JCAD: variants seen among roughly 807,000 people sequenced by gnomAD.
The protein encoded by JCAD is junctional cadherin 5 associated, also known as junctional cadherin 5-associated protein.
JCAD carries 40 observed loss-of-function variants against 98.0 expected under a neutral mutation model. The ratio of observed to expected loss-of-function variants is 0.41; its 90% CI spans 0.32 to 0.53. The LOEUF is 0.53. Among genes scored for constraint, JCAD ranks in the 20% least tolerant of loss-of-function variants. The probability of loss-of-function intolerance (pLI) is 0.31; values close to 1 mark genes in which losing one functional copy is unlikely to be tolerated. For missense variants in JCAD, 1,705 were observed against 1,738.1 expected, an observed-to-expected ratio of 0.98 and a Z score of 0.34; for synonymous variants, 691 against 682.3, an observed-to-expected ratio of 1.01 and a Z score of -0.20.
intron 3 of JCAD, among the ~76,000 whole-genome samples, chr10:30,024,861 A>G (rs1248066753): frequency 6.6e-6 from 1 of 151,690 alleles, no homozygotes; most frequent in African/African-American, 2.4e-5. Flanking sequence ...ACGCCCAGCT[A>G]ATTTTTTGTA....
chr10:30,039,484 AATGAG>A (rs1475997947), intron 2 of JCAD, among the ~76,000 whole-genome samples: 2 of 151,956 alleles, frequency 1.3e-5, no homozygotes, highest in African/African-American at 4.8e-5. Context: ...GGAGGGATGA[AATGAG>A]ATAATACCTT....
intron 2 of JCAD, among the ~76,000 whole-genome samples, chr10:30,067,693 T>C (rs919107176): frequency 9.9e-5 from 15 of 152,218 alleles, no homozygotes; most frequent in African/African-American, 3.4e-4. Flanking sequence ...ACTTATGTCC[T>C]TCGATGTACA....
At chr10:30,093,740 C>T (rs928271823) in intron 1 of JCAD, among the ~76,000 whole-genome samples, 1 of 151,866 alleles carries the variant, frequency 6.6e-6, no homozygotes, top group Non-Finnish European at 1.5e-5. Flanking sequence ...AGAGATTCAG[C>T]AAGTATTTGC....
intron 2 of JCAD, among the ~76,000 whole-genome samples, chr10:30,031,311 T>A (rs1836985079): frequency 6.6e-6 from 1 of 151,932 alleles, no homozygotes; most frequent in Non-Finnish European, 1.5e-5. Flanking sequence ...AAGATGTTTT[T>A]GTAGAGATGG....
At chr10:30,054,451 T>C (rs1461713777) in intron 1 of JCAD, among the ~76,000 whole-genome samples, 1 of 151,880 alleles carries the variant, frequency 6.6e-6, no homozygotes, top group Non-Finnish European at 1.5e-5. Flanking sequence ...TACTTAACTT[T>C]ATATACTTAA....
chr10:30,041,111 GGGAAACT>G (rs1160760483), intron 2 of JCAD, among the ~76,000 whole-genome samples: 1 of 152,126 alleles, frequency 6.6e-6, no homozygotes, highest in Non-Finnish European at 1.5e-5. Flanking sequence ...CTTTTTAGTG[GGGAAACT>G]GGTGCTGGTA....
intron 1 of JCAD, among the ~76,000 whole-genome samples, chr10:30,077,287 T>C (rs1837998636): frequency 6.6e-6 from 1 of 152,190 alleles, no homozygotes; most frequent in Non-Finnish European, 1.5e-5. Context: ...TTTTGTTGTT[T>C]GTTTTTTGAG....
At chr10:30,067,553 C>T (rs1837806218) in intron 2 of JCAD, among the ~76,000 whole-genome samples, 2 of 152,194 alleles carry the variant, frequency 1.3e-5, no homozygotes, top group South Asian at 4.1e-4. Context: ...GTCTCGAACT[C>T]CTGACCTCAG....
intron 1 of JCAD, among the ~76,000 whole-genome samples, chr10:30,100,978 A>G (rs531120996): frequency 2.6e-5 from 4 of 152,246 alleles, no homozygotes; most frequent in Non-Finnish European, 4.4e-5. Flanking sequence ...CAATTGGTTG[A>G]AAGAGTTATT....
At chr10:30,097,361 G>A (rs908471008) in intron 1 of JCAD, among the ~76,000 whole-genome samples, 1 of 152,156 alleles carries the variant, frequency 6.6e-6, no homozygotes, top group Non-Finnish European at 1.5e-5. Flanking sequence ...AGGCCCCCAA[G>A]GCACCATAAA....
rs1836568868 is a variant in JCAD, at chr10:30,017,872, C to T, written c.*11G>A. ...AATTCGCAACGGAATGCAAGCTCCA[C>T]CGGCATTTCATCACACCCTCTCCAC... On this transcript the variant is annotated 3_prime_UTR_variant, in exon 4 of 4. Coordinates refer to ENST00000375377, the MANE Select transcript of JCAD (RefSeq NM_020848.4). The T allele has an allele frequency of 6.2e-7, 1 of 1,611,922 alleles. No homozygotes were observed. Among genetic ancestry groups the T allele is most frequent in the South Asian group, 1.1e-5 (1 of 90,952 alleles).
intron 1 of JCAD, among the ~76,000 whole-genome samples, chr10:30,054,471 A>C (rs1443790367): frequency 6.6e-6 from 1 of 151,754 alleles, no homozygotes; most frequent in Non-Finnish European, 1.5e-5. Context: ...ATATTAACTT[A>C]AGTATATATA....
In JCAD at chr10:30,026,868, C is replaced by T. The variant is rs752352144; in HGVS notation, c.3280G>A (p.Val1094Met). ...CCCGGCAGGAGGGACTCCACCGCCACCTCAATGCCCAGGATCCTTGCAGCC... is the reference window on the plus strand; with the variant it reads ...CCCGGCAGGAGGGACTCCACCGCCATCTCAATGCCCAGGATCCTTGCAGCC... ...ARAARILGIE[V>M]AVESLLPGIR... Residue 1094 changes from valine to methionine, a missense_variant, in exon 3 of 4, where the codon GTG becomes ATG. Physicochemically the swap from Val to Met is conservative, Grantham distance 21 (BLOSUM62 1). This residue lies in a region of JCAD where 1,278 missense variants were observed against 1,243.1 expected (regional missense o/e 1.03). Transcript: ENST00000375377. The T allele has an allele frequency of 6.2e-7, 1 of 1,614,046 alleles. No homozygotes were observed. Among genetic ancestry groups the T allele is most frequent in the Admixed American group, 1.7e-5 (1 of 60,032 alleles).
intron 2 of JCAD, among the ~76,000 whole-genome samples, chr10:30,033,924 C>A (rs1837055227): frequency 6.6e-6 from 1 of 152,128 alleles, no homozygotes; most frequent in South Asian, 2.1e-4. Context: ...AGGATAGCCC[C>A]TCAAACTCTG....
intron 1 of JCAD, among the ~76,000 whole-genome samples, chr10:30,076,365 T>C (rs1206864497): frequency 6.6e-6 from 1 of 152,186 alleles, no homozygotes; most frequent in Non-Finnish European, 1.5e-5. Context: ...CGTACAGAAA[T>C]CTGACAGTTA....
At chr10:30,055,321 C>T (rs1158392651) in intron 1 of JCAD, among the ~76,000 whole-genome samples, 4 of 152,176 alleles carry the variant, frequency 2.6e-5, no homozygotes, top group African/African-American at 9.7e-5. Flanking sequence ...CTTCAACTGA[C>T]AACATTTAGG....
chr10:30,082,485 G>A (rs1454395930), intron 1 of JCAD, among the ~76,000 whole-genome samples: 4 of 152,142 alleles, frequency 2.6e-5, no homozygotes, highest in Non-Finnish European at 5.9e-5. Flanking sequence ...TTGAGAGGCC[G>A]AGGTGGGTGG....
Position 30,029,009 on chromosome 10 carries a change from G to C in JCAD, c.1139C>G (p.Ala380Gly). 4 of 1,614,074 alleles carry C rather than the reference G, an allele frequency of 2.5e-6. No individual in the cohort carries two copies. Among genetic ancestry groups the C allele is most frequent in the Non-Finnish European group, 3.4e-6 (4 of 1,180,028 alleles). The change falls in exon 3 of 4, where the codon GCT becomes GGT. Residue 380 changes from alanine to glycine, a missense_variant. Ala to Gly is a moderately conservative substitution (Grantham distance 60). Coordinates refer to ENST00000375377, the MANE Select transcript of JCAD (RefSeq NM_020848.4). ...TGAAGGAGGCTGACCGCTGGCCCCA[G>C]CCTTCTCGGTCGGAGACTGCTGTTG... ...HSQQQSPTEK[A>G]GASGQPPSGP...
chr10:30,026,646 G>C lies in JCAD; in HGVS notation c.3502C>G (p.Arg1168Gly), dbSNP rs368139420. 2.4e-4 allele frequency: 393 copies of C among 1,613,064 alleles called. 1 individual carries two copies. Among genetic ancestry groups the C allele is most frequent in the Admixed American group, 9.8e-4 (59 of 60,038 alleles). Residue 1168 changes from arginine to glycine, a missense_variant, in exon 3 of 4, where the codon CGG (arginine) becomes GGG (glycine). Arg to Gly is a moderately radical substitution (Grantham distance 125). Coordinates refer to ENST00000375377, the MANE Select transcript of JCAD (RefSeq NM_020848.4). ...LFVGDRDSAR[R>G]APQAFEHSDV... ...GAGTGCTCAAAAGCCTGAGGAGCCC[G>C]CCTGGCACTGTCCCTGTCCCCTACA...
Sources: gnomAD v4.1 joint callset for allele counts (sites outside exome capture counted in the v4.1 genomes callset) on GRCh38, gnomAD v4.1.1 for gene constraint, gnomAD v4.1.1 regional missense constraint, MANE v1.5 for transcripts, NCBI Gene and HGNC (gene_info 2026-07-23, HGNC 2026-07-21) for gene names.